Variants in MPP7 observed in about 807,000 individuals in gnomAD.
MPP7 encodes the protein MAGUK p55 scaffold protein 7.
In MPP7, 60 loss-of-function variants were observed where a neutral mutation model predicts 76.5. That is an observed-to-expected ratio of 0.78 (90% CI 0.64 to 0.97). The LOEUF (loss-of-function observed/expected upper bound fraction) is 0.97, where lower values mean the gene tolerates loss of function less well. Among genes scored for constraint, MPP7 ranks in the 50% least tolerant of loss-of-function variants. The probability of loss-of-function intolerance (pLI) is 0.00; values close to 1 mark genes in which losing one functional copy is unlikely to be tolerated. For synonymous variants in MPP7, 237 were observed against 244.5 expected, an observed-to-expected ratio of 0.97 and a Z score of 0.29; for missense variants, 641 against 694.0, an observed-to-expected ratio of 0.92 and a Z score of 0.86.
At chr10:28,222,440 C>T (rs1049773653) in intron 2 of MPP7, among the ~76,000 whole-genome samples, 3 of 151,778 alleles carry the variant, frequency 2.0e-5, no homozygotes, top group East Asian at 1.9e-4. Flanking sequence ...GCCCTGATTG[C>T]GCCAATGCAC....
chr10:28,144,187 C>T (rs988275928), intron 5 of MPP7, among the ~76,000 whole-genome samples: 1 of 152,086 alleles, frequency 6.6e-6, no homozygotes, highest in African/African-American at 2.4e-5. Context: ...CCTATAGGCT[C>T]CCACTGGCCT....
chr10:28,079,888 G>A (rs748236180), intron 12 of MPP7, among the ~76,000 whole-genome samples: 15 of 152,154 alleles, frequency 9.9e-5, no homozygotes, highest in Admixed American at 2.0e-4. Context: ...TAGGAAGGCC[G>A]AGGCGGGCGC....
At chr10:28,293,043 TAA>T (rs56883523) in intron 1 of MPP7, among the ~76,000 whole-genome samples, 178 of 122,308 alleles carry the variant, frequency 1.5e-3, no homozygotes, top group African/African-American at 2.0e-3. Flanking sequence ...CCCAGAAGGT[TAA>T]AAAAAAAAAA....
At chr10:28,298,658 CAA>C (rs1171519917) in intron 1 of MPP7, among the ~76,000 whole-genome samples, 1 of 152,216 alleles carries the variant, frequency 6.6e-6, no homozygotes, top group Non-Finnish European at 1.5e-5. Context: ...TAGCTCCAAA[CAA>C]AAGAGTCAGC....
chr10:28,070,564 C>A (rs1852195711), intron 12 of MPP7, among the ~76,000 whole-genome samples: 1 of 152,150 alleles, frequency 6.6e-6, no homozygotes, highest in East Asian at 1.9e-4. Context: ...ATTTGGGATG[C>A]AAATTCAGTT....
chr10:28,106,813 T>G (rs1290524980), intron 11 of MPP7, among the ~76,000 whole-genome samples: 2 of 152,206 alleles, frequency 1.3e-5, no homozygotes, highest in Admixed American at 6.5e-5. Context: ...ATGTTATCAG[T>G]GATTCCGCGT....
chr10:28,112,774 C>T (rs978982310), intron 11 of MPP7, among the ~76,000 whole-genome samples: 1 of 152,164 alleles, frequency 6.6e-6, no homozygotes, highest in Non-Finnish European at 1.5e-5. Flanking sequence ...GTGTACACTA[C>T]AATACACAAA....
At chr10:28,294,351 T>C (rs1026140131) in intron 1 of MPP7, among the ~76,000 whole-genome samples, 1 of 152,200 alleles carries the variant, frequency 6.6e-6, no homozygotes, top group African/African-American at 2.4e-5. Context: ...GTTGTCATAG[T>C]ACAGGCGACA....
At chr10:28,268,928 C>CAAAA (rs10690712) in intron 1 of MPP7, among the ~76,000 whole-genome samples, 22,528 of 151,656 alleles carry the variant, frequency 0.15, 1,752 homozygotes, top group South Asian at 0.19. Context: ...CAAAAAAAAA[C>CAAAA]AAAGAAAAAG....
intron 2 of MPP7, among the ~76,000 whole-genome samples, chr10:28,232,554 CT>C (rs1285001181): frequency 6.6e-6 from 1 of 152,076 alleles, no homozygotes; most frequent in African/African-American, 2.4e-5. Flanking sequence ...TACTTTTCCC[CT>C]GGATTCTATA....
chr10:28,157,747 T>C (rs1466767220), intron 3 of MPP7, among the ~76,000 whole-genome samples: 2 of 152,180 alleles, frequency 1.3e-5, no homozygotes, highest in African/African-American at 2.4e-5. Context: ...CTGCCTGCAA[T>C]GTTCCTGAGT....
At chr10:28,194,629 G>C (rs1008368741) in intron 3 of MPP7, among the ~76,000 whole-genome samples, 10 of 152,124 alleles carry the variant, frequency 6.6e-5, no homozygotes, top group Non-Finnish European at 1.3e-4. Context: ...AATCTGAAAA[G>C]GCTACATACT....
At chr10:28,221,366 C>T (rs1419889763) in intron 2 of MPP7, among the ~76,000 whole-genome samples, 1 of 151,928 alleles carries the variant, frequency 6.6e-6, no homozygotes, top group Non-Finnish European at 1.5e-5. Flanking sequence ...TCCTTCCCAC[C>T]CAAAAGAACA....
chr10:28,286,876 A>C (rs1482841988), intron 1 of MPP7, among the ~76,000 whole-genome samples: 1 of 152,158 alleles, frequency 6.6e-6, no homozygotes, highest in Non-Finnish European at 1.5e-5. Context: ...ATTGCATGAA[A>C]TCTCAACCCC....
At chr10:28,110,366 A>G (rs749991759) in intron 11 of MPP7, among the ~76,000 whole-genome samples, 2 of 152,218 alleles carry the variant, frequency 1.3e-5, no homozygotes, top group Non-Finnish European at 2.9e-5. Context: ...CTGGGATTAC[A>G]GGCGTGAGCC....
At chr10:28,089,568 A>T in intron 12 of MPP7, 103 bp downstream of exon 12, 1 of 1,024,014 alleles carries the variant, frequency 9.8e-7, no homozygotes, top group Non-Finnish European at 1.4e-6. Context: ...GTTGAAGGGG[A>T]GGAGATTTTT....
intron 13 of MPP7, among the ~76,000 whole-genome samples, chr10:28,066,727 A>C (rs910193739): frequency 2.0e-5 from 3 of 152,154 alleles, no homozygotes; most frequent in Admixed American, 6.5e-5. Flanking sequence ...GCACACATGA[A>C]TGTTGCCTTT....
chr10:28,085,515 A>G (rs1193947432), intron 12 of MPP7, among the ~76,000 whole-genome samples: 1 of 152,224 alleles, frequency 6.6e-6, no homozygotes, highest in African/African-American at 2.4e-5. Context: ...AAACCTAAGA[A>G]GTTCAAACAG....
chr10:28,214,379 A>C (rs7073107), intron 2 of MPP7, among the ~76,000 whole-genome samples: 13,867 of 152,202 alleles, frequency 0.091, 724 homozygotes, highest in Non-Finnish European at 0.12. Context: ...AAGATGAAAG[A>C]AGCATGGTAA....
Sources: gnomAD v4.1 joint callset for allele counts (sites outside exome capture counted in the v4.1 genomes callset) on GRCh38, gnomAD v4.1.1 for gene constraint, MANE v1.5 for transcripts, NCBI Gene and HGNC (gene_info 2026-07-23, HGNC 2026-07-21) for gene names.